LHFPL3: variants seen among roughly 807,000 people sequenced by gnomAD.
LHFPL3 encodes LHFPL tetraspan subfamily member 3 protein.
Under a neutral mutation model 19.3 loss-of-function variants are expected in LHFPL3, and 5 were observed. The observed-to-expected ratio is 0.26, with a 90% CI of 0.14 to 0.54. The LOEUF (loss-of-function observed/expected upper bound fraction) is 0.54, where lower values mean the gene tolerates loss of function less well. Ranked by LOEUF, LHFPL3 falls within the 20% of genes least tolerant of loss-of-function variation. The pLI, the probability that LHFPL3 is intolerant of heterozygous loss-of-function variation, is 0.94. For synonymous variants in LHFPL3, 133 were observed against 126.2 expected, an observed-to-expected ratio of 1.05 and a Z score of -0.36; for missense variants, 249 against 307.4, an observed-to-expected ratio of 0.81 and a Z score of 1.42.
At chr7:104,773,196 G>A (rs1054165744) in intron 2 of LHFPL3, among the ~76,000 whole-genome samples, 1 of 152,164 alleles carries the variant, frequency 6.6e-6, no homozygotes, top group Non-Finnish European at 1.5e-5. Context: ...AACCTGACAG[G>A]GCAGTGAGGG....
At chr7:104,697,558 G>T (rs954795844) in intron 1 of LHFPL3, among the ~76,000 whole-genome samples, 1 of 152,172 alleles carries the variant, frequency 6.6e-6, no homozygotes, top group Non-Finnish European at 1.5e-5. Flanking sequence ...ACAGAAGTCA[G>T]ATTTGCTGTG....
intron 2 of LHFPL3, among the ~76,000 whole-genome samples, chr7:104,829,204 G>T (rs976068775): frequency 6.6e-6 from 1 of 151,852 alleles, no homozygotes; most frequent in African/African-American, 2.4e-5. Flanking sequence ...CTGACCAAGG[G>T]TCCTCCGGCT....
At chr7:104,773,029 T>C (rs1315607791) in intron 2 of LHFPL3, among the ~76,000 whole-genome samples, 2 of 152,266 alleles carry the variant, frequency 1.3e-5, no homozygotes, top group Admixed American at 1.3e-4. Context: ...TAAAATTTTA[T>C]GAGTAAGTTG....
chr7:104,770,851 C>T (rs1219480246), intron 2 of LHFPL3, among the ~76,000 whole-genome samples: 1 of 152,156 alleles, frequency 6.6e-6, no homozygotes, highest in Non-Finnish European at 1.5e-5. Flanking sequence ...TTATCTCATC[C>T]TTGATGATCC....
intron 1 of LHFPL3, among the ~76,000 whole-genome samples, chr7:104,510,140 A>G (rs1189931779): frequency 6.6e-6 from 1 of 152,146 alleles, no homozygotes; most frequent in Non-Finnish European, 1.5e-5. Flanking sequence ...GACTCACTAT[A>G]GTAGAGTTAT....
chr7:104,462,847 C>T (rs774305512), intron 1 of LHFPL3, among the ~76,000 whole-genome samples: 9 of 152,020 alleles, frequency 5.9e-5, no homozygotes, highest in South Asian at 2.1e-4. Context: ...TACTAGAATT[C>T]GGCTGTGACT....
intron 1 of LHFPL3, among the ~76,000 whole-genome samples, chr7:104,731,044 T>C (rs1213242683): frequency 6.6e-6 from 1 of 152,244 alleles, no homozygotes; most frequent in Admixed American, 6.5e-5. Context: ...TTGTCAAAGA[T>C]CAGATAGTTG....
chr7:104,628,919 C>A (rs1562953709), intron 1 of LHFPL3, among the ~76,000 whole-genome samples: 1 of 152,100 alleles, frequency 6.6e-6, no homozygotes, highest in South Asian at 2.1e-4. Context: ...GCTTCTCAAA[C>A]CCAAGAAATG....
chr7:104,851,304 G>A (rs964973837), intron 2 of LHFPL3, among the ~76,000 whole-genome samples: 6 of 152,194 alleles, frequency 3.9e-5, no homozygotes, highest in African/African-American at 1.4e-4. Context: ...TTCTGAGCAT[G>A]GGGATACATC....
intron 2 of LHFPL3, among the ~76,000 whole-genome samples, chr7:104,876,973 G>T (rs1320964681): frequency 6.6e-6 from 1 of 152,156 alleles, no homozygotes; most frequent in African/African-American, 2.4e-5. Context: ...CATGTCCTTT[G>T]TAGGGGCATG....
intron 2 of LHFPL3, among the ~76,000 whole-genome samples, chr7:104,829,783 A>G (rs1164235971): frequency 1.3e-5 from 2 of 152,102 alleles, no homozygotes; most frequent in Admixed American, 6.5e-5. Context: ...TAGTGCCACG[A>G]TAAACATACG....
At chr7:104,487,393 C>T (rs1241190017) in intron 1 of LHFPL3, among the ~76,000 whole-genome samples, 1 of 152,208 alleles carries the variant, frequency 6.6e-6, no homozygotes, top group Non-Finnish European at 1.5e-5. Flanking sequence ...CCAGAGCCTA[C>T]TCTAGTAGCT....
At chr7:104,646,993 G>A (rs371431457) in intron 1 of LHFPL3, among the ~76,000 whole-genome samples, 16 of 152,244 alleles carry the variant, frequency 1.1e-4, no homozygotes, top group East Asian at 3.9e-4. Context: ...ATAAACAGAC[G>A]TTTATCCCAG....
At chr7:104,669,735 C>G (rs1278595195) in intron 1 of LHFPL3, among the ~76,000 whole-genome samples, 2 of 152,172 alleles carry the variant, frequency 1.3e-5, no homozygotes, top group East Asian at 1.9e-4. Flanking sequence ...ATTTTGCATG[C>G]TGCTGCAGCC....
At chr7:104,668,075 A>G (rs576469003) in intron 1 of LHFPL3, 168 of 1,613,838 alleles carry the variant, frequency 1.0e-4, no homozygotes, top group Non-Finnish European at 1.4e-4. Context: ...ATGTTACAGA[A>G]GAGTCAATTA....
chr7:104,479,519 G>C (rs1440013492), intron 1 of LHFPL3, among the ~76,000 whole-genome samples: 5 of 152,076 alleles, frequency 3.3e-5, no homozygotes, highest in Non-Finnish European at 2.9e-5. Flanking sequence ...AGCCTCCTGA[G>C]TAGCTGGGAT....
At chr7:104,795,268 C>T (rs569336756) in intron 2 of LHFPL3, among the ~76,000 whole-genome samples, 67 of 152,276 alleles carry the variant, frequency 4.4e-4, no homozygotes, top group Non-Finnish European at 8.8e-4. Context: ...ATGCACATCA[C>T]GAGCTGCCAC....
chr7:104,861,040 T>A (rs1791610317), intron 2 of LHFPL3, among the ~76,000 whole-genome samples: 1 of 152,240 alleles, frequency 6.6e-6, no homozygotes, highest in Non-Finnish European at 1.5e-5. Context: ...ATAGCTTTTT[T>A]AAAAAAGTAA....
chr7:104,570,527 A>G (rs1195473660), intron 1 of LHFPL3, among the ~76,000 whole-genome samples: 2 of 152,162 alleles, frequency 1.3e-5, no homozygotes, highest in Non-Finnish European at 2.9e-5. Context: ...AAAATAATGG[A>G]GCAATTTTCT....
Sources: gnomAD v4.1 joint callset for allele counts (sites outside exome capture counted in the v4.1 genomes callset) on GRCh38, gnomAD v4.1.1 for gene constraint, MANE v1.5 for transcripts, NCBI Gene and HGNC (gene_info 2026-07-23, HGNC 2026-07-21) for gene names.